RAC1: variants seen among roughly 807,000 people sequenced by gnomAD.
RAC1 encodes the protein ras-related C3 botulinum toxin substrate 1.
In RAC1, 2 loss-of-function variants were observed where a neutral mutation model predicts 25.2. The observed-to-expected ratio is 0.08, with a 90% CI of 0.03 to 0.25. The LOEUF (loss-of-function observed/expected upper bound fraction) is 0.25, where lower values mean the gene tolerates loss of function less well. RAC1 is among the 10% of genes least tolerant of loss of function. The pLI is 1.00. For synonymous variants in RAC1, 88 were observed against 94.0 expected, an observed-to-expected ratio of 0.94 and a Z score of 0.37; for missense variants, 50 against 235.7, an observed-to-expected ratio of 0.21 and a Z score of 5.16.
chr7:6,386,273 G>T (rs1231417981), intron 1 of RAC1, among the ~76,000 whole-genome samples: 1 of 152,130 alleles, frequency 6.6e-6, no homozygotes, highest in Admixed American at 6.6e-5. Context: ...TGAGGATTGG[G>T]GCTGGGGGAG....
intron 3 of RAC1, 177 bp from the exon 4 acceptor site, chr7:6,399,949 G>C (rs1407939086): frequency 1.8e-5 from 11 of 604,054 alleles, no homozygotes; most frequent in South Asian, 2.1e-5. Context: ...TGACATGCTG[G>C]GTTTGGTTTG....
At chr7:6,375,887 A>C (rs1237900867) in intron 1 of RAC1, 1 of 152,042 alleles carries the variant, frequency 6.6e-6, no homozygotes, top group Non-Finnish European at 1.5e-5. Context: ...AACCCGAGCA[A>C]AATCGCGCGT....
intron 1 of RAC1, among the ~76,000 whole-genome samples, chr7:6,376,506 C>CTT (rs1315630129): frequency 3.1e-4 from 26 of 83,022 alleles, no homozygotes; most frequent in African/African-American, 9.7e-4. Flanking sequence ...TTTTTCTTTT[C>CTT]TTTTTTTTTT....
At chr7:6,379,909 C>G (rs117652353) in intron 1 of RAC1, among the ~76,000 whole-genome samples, 1 of 152,024 alleles carries the variant, frequency 6.6e-6, no homozygotes. Flanking sequence ...CCACTGCGCC[C>G]GGCCACAACT....
At chr7:6,396,347 C>T (rs577901898) in intron 3 of RAC1, among the ~76,000 whole-genome samples, 29 of 152,202 alleles carry the variant, frequency 1.9e-4, no homozygotes, top group African/African-American at 4.6e-4. Flanking sequence ...AGGACAGCGA[C>T]GGCCGGGAGG....
chr7:6,402,529 A>AAAAAAAAAAAC lies in RAC1; in HGVS notation c.*91_*92insAACAAAAAAAA, dbSNP rs1562471637. On this transcript the variant is annotated 3_prime_UTR_variant, in exon 6 of 6. Transcript: ENST00000348035. ...AAAAAAAACAAAAAAAAAAAACAAA[A>AAAAAAAAAAAC]AAAAAAAACAACGGTGGAGCCTTCG... 3 of 1,096,700 alleles carry AAAAAAAAAAAC rather than the reference A, an allele frequency of 2.7e-6. No individual in the cohort carries two copies. The East Asian group carries it at 1.1e-4, about 40-fold the overall frequency. 67.9% of individuals were successfully genotyped at this position (1,096,700 alleles called of 1,614,324 possible).
At chr7:6,388,858 T>C (rs1246879538) in intron 2 of RAC1, among the ~76,000 whole-genome samples, 1 of 152,144 alleles carries the variant, frequency 6.6e-6, no homozygotes, top group African/African-American at 2.4e-5. Flanking sequence ...CTTGATAGAT[T>C]ATTAGAAGCA....
chr7:6,398,455 G>C (rs887633802), intron 3 of RAC1, among the ~76,000 whole-genome samples: 2 of 152,210 alleles, frequency 1.3e-5, no homozygotes, highest in Admixed American at 1.3e-4. Flanking sequence ...CTTCACCATC[G>C]TTGAACTTAA....
At chr7:6,382,590 G>A (rs541894930) in intron 1 of RAC1, among the ~76,000 whole-genome samples, 10 of 152,192 alleles carry the variant, frequency 6.6e-5, no homozygotes, top group Non-Finnish European at 8.8e-5. Context: ...TTGGCTGGGC[G>A]TGGTGGCTCA....
At chr7:6,392,560 T>A (rs1468140059) in intron 3 of RAC1, among the ~76,000 whole-genome samples, 1 of 152,212 alleles carries the variant, frequency 6.6e-6, no homozygotes. Context: ...ATGTATCCAC[T>A]GTGTCTAATC....
chr7:6,378,199 T>C (rs561811567), intron 1 of RAC1, among the ~76,000 whole-genome samples: 48 of 152,318 alleles, frequency 3.2e-4, no homozygotes, highest in African/African-American at 1.1e-3. Context: ...TCTTCTGGGA[T>C]GAGTTTTTTC....
intron 3 of RAC1, among the ~76,000 whole-genome samples, chr7:6,394,414 A>G (rs942106039): frequency 1.3e-5 from 2 of 152,168 alleles, no homozygotes; most frequent in African/African-American, 2.4e-5. Context: ...CACAGAATCA[A>G]GTCTTGTCAG....
In RAC1 at chr7:6,383,527, T is replaced by G. The variant is rs36106635; in HGVS notation, c.36-3685T>G. On this transcript the variant is annotated intron_variant, in intron 1 of 5. Transcript: ENST00000348035. ...AATAAAATTTCAGTCAGTATCAGATTATGCCAGTACCTTGAATTTCTTCCC... is the reference window on the plus strand; with the variant it reads ...AATAAAATTTCAGTCAGTATCAGATGATGCCAGTACCTTGAATTTCTTCCC... 5.1e-4 allele frequency among the ~76,000 whole-genome samples: 77 copies of G among 152,270 alleles called. 1 individual carries two copies. In the East Asian group the frequency reaches 0.014, roughly 29 times the overall value.
intron 1 of RAC1, among the ~76,000 whole-genome samples, chr7:6,376,117 CA>C (rs1337883010): frequency 6.7e-6 from 1 of 149,150 alleles, no homozygotes; most frequent in Admixed American, 6.7e-5. Context: ...GTAAGATGCC[CA>C]TCTGTCGGAT....
At chr7:6,389,036 T>C (rs1583263750) in intron 2 of RAC1, among the ~76,000 whole-genome samples, 5 of 151,782 alleles carry the variant, frequency 3.3e-5, no homozygotes, top group Admixed American at 3.3e-4. Flanking sequence ...CCCCCACCTC[T>C]GCTAAAAATA....
At chr7:6,393,269 T>C (rs955692646) in intron 3 of RAC1, among the ~76,000 whole-genome samples, 37 of 152,188 alleles carry the variant, frequency 2.4e-4, no homozygotes, top group African/African-American at 8.7e-4. Context: ...CCCAGACAAT[T>C]CAAATTCTTC....
intron 3 of RAC1, among the ~76,000 whole-genome samples, chr7:6,393,671 G>A (rs1014763965): frequency 1.3e-5 from 2 of 152,206 alleles, no homozygotes; most frequent in Non-Finnish European, 2.9e-5. Flanking sequence ...ACTGTGGACT[G>A]CTTTCCTATA....
chr7:6,391,438 A>T (rs925013980), intron 2 of RAC1: 5 of 156,874 alleles, frequency 3.2e-5, no homozygotes, highest in African/African-American at 1.2e-4. Context: ...TGAAAATGTT[A>T]TTGGGAGGCT....
intron 1 of RAC1, among the ~76,000 whole-genome samples, chr7:6,382,660 C>G (rs531073695): frequency 6.6e-6 from 1 of 152,124 alleles, no homozygotes; most frequent in Non-Finnish European, 1.5e-5. Context: ...GTCAGGAATT[C>G]GAGACCAGTC....
Sources: allele counts gnomAD v4.1 joint callset (sites outside exome capture counted in the v4.1 genomes callset), GRCh38; gene constraint gnomAD v4.1.1; transcripts MANE v1.5; gene names NCBI Gene and HGNC (gene_info 2026-07-23, HGNC 2026-07-21).